Variants in SHPRH observed in about 807,000 individuals in gnomAD.
SHPRH encodes the protein E3 ubiquitin-protein ligase SHPRH.
In SHPRH, 106 loss-of-function variants were observed where a neutral mutation model predicts 202.5. That is an observed-to-expected ratio of 0.52 (90% CI 0.45 to 0.62). The LOEUF is 0.62. Among genes scored for constraint, SHPRH ranks in the 20% least tolerant of loss-of-function variants. The pLI, the probability that SHPRH is intolerant of heterozygous loss-of-function variation, is 0.00. For missense variants in SHPRH, 1,710 were observed against 2,020.0 expected (o/e 0.85, Z 2.94); for synonymous variants, 729 against 686.0 (o/e 1.06, Z -0.98).
chr6:145,910,758 T>C, intron 24 of SHPRH, 122 bp from the exon 25 acceptor site: 1 of 968,398 alleles, frequency 1.0e-6, no homozygotes, highest in East Asian at 2.7e-5. Flanking sequence ...TTCTTTGTCA[T>C]AAAGCCAAGT....
intron 25 of SHPRH, chr6:145,906,248 T>A (rs1367157855): frequency 1.3e-5 from 2 of 152,004 alleles, no homozygotes; most frequent in African/African-American, 4.8e-5. Context: ...GGTGCCTAAT[T>A]TACTCTATAC....
intron 27 of SHPRH, among the ~76,000 whole-genome samples, chr6:145,893,817 A>ACTGTTC (rs1346488393): frequency 6.6e-6 from 1 of 152,094 alleles, no homozygotes; most frequent in Non-Finnish European, 1.5e-5. Flanking sequence ...CTGTGACCAC[A>ACTGTTC]TGCAGTTCTG....
rs563396696 is a variant in SHPRH at position 145,895,229 on chromosome 6, T to C, written c.4516-252A>G. 7.9e-5 allele frequency among the ~76,000 whole-genome samples: 12 copies of C among 152,236 alleles called. No individual in the cohort carries two copies. The East Asian group carries it at 2.1e-3, about 27-fold the overall frequency. On this transcript the variant is annotated intron_variant, in intron 25 of 29. Coordinates refer to ENST00000275233, the MANE Select transcript of SHPRH (RefSeq NM_001042683.3). Reference sequence around the variant, plus strand: ...CATGCCAGAAAGTCATTAAGTGCTATGACCCTGAACATAGGATCTTTTAGT... The same window carrying C: ...CATGCCAGAAAGTCATTAAGTGCTACGACCCTGAACATAGGATCTTTTAGT...
At chr6:145,955,601 T>C (rs1183441790) in intron 1 of SHPRH, among the ~76,000 whole-genome samples, 1 of 152,158 alleles carries the variant, frequency 6.6e-6, no homozygotes, top group African/African-American at 2.4e-5. Flanking sequence ...AGGCAATTTG[T>C]TGTATAAAAT....
intron 16 of SHPRH, among the ~76,000 whole-genome samples, 199 bp downstream of exon 16, chr6:145,926,005 G>C (rs1399951511): frequency 6.6e-6 from 1 of 151,904 alleles, no homozygotes; most frequent in Non-Finnish European, 1.5e-5. Context: ...ACTGCAGGTA[G>C]ATCAGCAGAG....
intron 6 of SHPRH, 64 bp from the exon 7 acceptor site, chr6:145,946,405 G>A: frequency 7.8e-7 from 1 of 1,285,396 alleles, no homozygotes; most frequent in South Asian, 1.6e-5. Flanking sequence ...ATTGCTTATT[G>A]AAATTAACTT....
chr6:145,881,690 G>T, downstream of SHPRH: 1 of 152,228 alleles, frequency 6.6e-6, no homozygotes. Flanking sequence ...GGTCTGATAA[G>T]CGTCCTTTTT....
chr6:145,904,461 A>G (rs563179529), intron 25 of SHPRH: 6 of 152,254 alleles, frequency 3.9e-5, no homozygotes, highest in African/African-American at 1.4e-4. Flanking sequence ...ACTAATCCAA[A>G]ATAGGCAATA....
intron 22 of SHPRH, 64 bp downstream of exon 22, chr6:145,919,284 T>C (rs1784219802): frequency 1.9e-6 from 3 of 1,592,900 alleles, no homozygotes; most frequent in Non-Finnish European, 2.6e-6. Flanking sequence ...GCCTTTTCTA[T>C]GGGTCTTAGA....
At chr6:145,909,269 A>G (rs1185852857) in intron 25 of SHPRH, 2 of 152,098 alleles carry the variant, frequency 1.3e-5, no homozygotes, top group Non-Finnish European at 2.9e-5. Context: ...CTCCTTCACC[A>G]ATCTCCACAA....
intron 18 of SHPRH, among the ~76,000 whole-genome samples, chr6:145,923,202 G>T (rs1203334735): frequency 2.0e-5 from 3 of 151,608 alleles, no homozygotes; most frequent in African/African-American, 2.4e-5. Flanking sequence ...GTGCCTGCAG[G>T]ATGAAACATA....
At chr6:145,860,723 T>C (rs1228529384), downstream of SHPRH, among the ~76,000 whole-genome samples, 2 of 151,930 alleles carry the variant, frequency 1.3e-5, no homozygotes, top group Non-Finnish European at 2.9e-5. Context: ...AAACCAGAGG[T>C]ATCACATTCT....
At chr6:145,924,959 A>AAACATAAAAGTCCAAGTATACTGTAGAG (rs1472422162) in intron 16 of SHPRH, 113 bp from the exon 17 acceptor site, 17 of 753,886 alleles carry the variant, frequency 2.3e-5, no homozygotes, top group Non-Finnish European at 3.5e-5. Context: ...AACTGCATTT[A>AAACATAAAAGTCCAAGTATACTGTAGAG]AACATAAAAG....
downstream of SHPRH, among the ~76,000 whole-genome samples, chr6:145,861,144 G>A (rs548840935): frequency 8.5e-5 from 13 of 152,184 alleles, no homozygotes; most frequent in East Asian, 2.1e-3. Flanking sequence ...TACATAAAAT[G>A]TAAAGCCTTT....
downstream of SHPRH, chr6:145,862,589 A>G (rs1233585247): frequency 6.6e-6 from 1 of 152,276 alleles, no homozygotes; most frequent in Non-Finnish European, 1.5e-5. Flanking sequence ...CAAACATAGC[A>G]AGTTTACATA....
intron 7 of SHPRH, 111 bp downstream of exon 7, chr6:145,946,122 T>A: frequency 1.4e-6 from 1 of 715,120 alleles, no homozygotes; most frequent in Non-Finnish European, 2.1e-6. Context: ...AAAGCATATA[T>A]AACTGTAAAA....
chr6:145,961,000 C>CAACACCAGAA (rs1386483486), intron 1 of SHPRH, among the ~76,000 whole-genome samples: 1 of 151,754 alleles, frequency 6.6e-6, no homozygotes. Flanking sequence ...CATTCATGCT[C>CAACACCAGAA]TTATGGTAAT....
At chr6:145,894,811 G>T in intron 26 of SHPRH, 74 bp downstream of exon 26, 3 of 1,321,960 alleles carry the variant, frequency 2.3e-6, no homozygotes, top group Non-Finnish European at 3.2e-6. Context: ...TCAAAAATTA[G>T]TTCTCAGCTG....
At chr6:145,955,386 AC>A in intron 1 of SHPRH, 32 bp from the exon 2 acceptor site, 2 of 1,516,022 alleles carry the variant, frequency 1.3e-6, no homozygotes, top group South Asian at 2.6e-5. Flanking sequence ...AGGAGGTATA[AC>A]AAGAGATGAT....
Sources: gnomAD v4.1 joint callset for allele counts (sites outside exome capture counted in the v4.1 genomes callset) on GRCh38, gnomAD v4.1.1 for gene constraint, MANE v1.5 for transcripts, NCBI Gene and HGNC (gene_info 2026-07-23, HGNC 2026-07-21) for gene names.